The following EPHA6 variants were observed in gnomAD, a reference collection of about 807,000 sequenced individuals.
EPHA6 encodes EPH receptor A6, also known as ephrin type-A receptor 6.
A neutral mutation model predicts 112.0 loss-of-function variants in EPHA6; 50 were observed. The observed-to-expected ratio is 0.45, with a 90% CI of 0.36 to 0.56. EPHA6 has a LOEUF of 0.56. EPHA6 is among the 20% of genes least tolerant of loss of function. The pLI, the probability that EPHA6 is intolerant of heterozygous loss-of-function variation, is 0.00. For missense variants in EPHA6, 1,280 were observed against 1,417.4 expected (o/e 0.90, Z 1.56); for synonymous variants, 529 against 490.7 (o/e 1.08, Z -1.03).
intron 11 of EPHA6, among the ~76,000 whole-genome samples, chr3:97,572,195 G>T (rs2093340606): frequency 7.1e-6 from 1 of 140,676 alleles, no homozygotes; most frequent in African/African-American, 2.7e-5. Flanking sequence ...CTGTCGCCCA[G>T]GCTGGAGTGC....
At chr3:96,998,348 G>C (rs2043501738) in intron 3 of EPHA6, among the ~76,000 whole-genome samples, 1 of 152,000 alleles carries the variant, frequency 6.6e-6, no homozygotes, top group South Asian at 2.1e-4. Flanking sequence ...TCAATATATA[G>C]TAACAGTTTT....
chr3:97,596,874 G>GT (rs2093596641), intron 12 of EPHA6, among the ~76,000 whole-genome samples: 1 of 22,578 alleles, frequency 4.4e-5, no homozygotes, highest in African/African-American at 2.9e-4. Context: ...TATATCTATG[G>GT]AATATATATA....
At chr3:97,538,599 A>G (rs1421789846) in intron 11 of EPHA6, among the ~76,000 whole-genome samples, 1 of 152,206 alleles carries the variant, frequency 6.6e-6, no homozygotes, top group African/African-American at 2.4e-5. Context: ...GAGGAGAACT[A>G]GCATTAAGAG....
chr3:97,565,637 G>A (rs2093253609), intron 11 of EPHA6, among the ~76,000 whole-genome samples: 1 of 152,140 alleles, frequency 6.6e-6, no homozygotes, highest in Admixed American at 6.5e-5. Context: ...AATCTACCAA[G>A]TAAATACTGG....
At chr3:97,047,203 G>C (rs1253306395) in intron 3 of EPHA6, among the ~76,000 whole-genome samples, 1 of 151,864 alleles carries the variant, frequency 6.6e-6, no homozygotes, top group East Asian at 1.9e-4. Flanking sequence ...ATTTCTGTAA[G>C]ATATAAGAAA....
At chr3:97,598,060 G>T (rs2093608910) in intron 12 of EPHA6, among the ~76,000 whole-genome samples, 2 of 152,010 alleles carry the variant, frequency 1.3e-5, no homozygotes, top group African/African-American at 4.8e-5. Context: ...TTGCACTTCA[G>T]AAAAATCAAA....
At chr3:96,919,223 A>T (rs956066547) in intron 2 of EPHA6, among the ~76,000 whole-genome samples, 1 of 151,936 alleles carries the variant, frequency 6.6e-6, no homozygotes, top group Non-Finnish European at 1.5e-5. Flanking sequence ...TATCAAGAGT[A>T]ATAATTAGAT....
intron 6 of EPHA6, among the ~76,000 whole-genome samples, chr3:97,436,317 A>G (rs182466911): frequency 4.0e-4 from 61 of 152,280 alleles, no homozygotes; most frequent in African/African-American, 1.4e-3. Flanking sequence ...TTGTAAATCA[A>G]TCTTAAGAGA....
intron 1 of EPHA6, among the ~76,000 whole-genome samples, chr3:96,860,674 G>C (rs1248183848): frequency 6.6e-6 from 1 of 152,044 alleles, no homozygotes; most frequent in East Asian, 1.9e-4. Flanking sequence ...AATGGTTTGA[G>C]CTAAATGGGG....
At position 96,944,123 on chromosome 3, in the gene EPHA6, A is replaced by G. The variant is rs140661296; in HGVS notation, c.451-43207A>G. Among the ~76,000 whole-genome samples, 132 of 152,282 alleles carry G rather than the reference A, an allele frequency of 8.7e-4. 1 individual carries two copies. Among genetic ancestry groups the G allele is most frequent in the African/African-American group, 3.1e-3 (128 of 41,558 alleles). ...CATGAAAGAATGGTATGTACTCACC[A>G]TCTTCTCTCACAAAACCATGCTAGT... is the stretch of plus-strand genomic sequence containing the variant. On this transcript the variant is annotated intron_variant, in intron 2 of 17. Transcript: ENST00000389672.
intron 2 of EPHA6, among the ~76,000 whole-genome samples, chr3:96,942,598 C>A (rs1459840661): frequency 6.6e-6 from 1 of 152,236 alleles, no homozygotes; most frequent in Non-Finnish European, 1.5e-5. Flanking sequence ...CTTAGGCTAG[C>A]ACACGGTGCG....
chr3:97,327,385 G>A (rs1032337849), intron 5 of EPHA6, among the ~76,000 whole-genome samples: 1 of 151,832 alleles, frequency 6.6e-6, no homozygotes, highest in Non-Finnish European at 1.5e-5. Context: ...GTAACATCTT[G>A]CAAAACTGTA....
chr3:97,298,831 C>T (rs1428979723), intron 5 of EPHA6, among the ~76,000 whole-genome samples: 2 of 151,584 alleles, frequency 1.3e-5, no homozygotes, highest in Admixed American at 6.6e-5. Context: ...AAAGTGTAAC[C>T]ACTGAAATAT....
intron 3 of EPHA6, among the ~76,000 whole-genome samples, chr3:97,185,159 G>T (rs1257688745): frequency 1.3e-5 from 2 of 152,124 alleles, no homozygotes; most frequent in Non-Finnish European, 2.9e-5. Flanking sequence ...GCATGGGCAA[G>T]GACTTCATGT....
chr3:97,166,858 G>T (rs933288221), intron 3 of EPHA6, among the ~76,000 whole-genome samples: 60 of 152,174 alleles, frequency 3.9e-4, no homozygotes, highest in African/African-American at 1.4e-3. Flanking sequence ...TTCTGTTCAG[G>T]GAAACAGGGA....
At chr3:97,231,257 C>G (rs771315845) in intron 4 of EPHA6, among the ~76,000 whole-genome samples, 3 of 152,028 alleles carry the variant, frequency 2.0e-5, no homozygotes, top group Non-Finnish European at 4.4e-5. Context: ...TAGTCCAGAC[C>G]CAGGAAGCTT....
chr3:97,134,622 C>T (rs1308291551), intron 3 of EPHA6, among the ~76,000 whole-genome samples: 1 of 152,022 alleles, frequency 6.6e-6, no homozygotes, highest in Non-Finnish European at 1.5e-5. Context: ...TACTATTATG[C>T]TTATGCTTTG....
chr3:97,437,081 C>T (rs552012439), intron 6 of EPHA6, among the ~76,000 whole-genome samples: 3 of 148,818 alleles, frequency 2.0e-5, no homozygotes, highest in East Asian at 2.0e-4. Flanking sequence ...CATCAGCTAT[C>T]ATTAGTGTTG....
chr3:97,540,688 C>T (rs1342103762), intron 11 of EPHA6, among the ~76,000 whole-genome samples: 2 of 152,218 alleles, frequency 1.3e-5, no homozygotes, highest in South Asian at 2.1e-4. Flanking sequence ...TAACAAGTTT[C>T]TCAGTGTGAA....
Sources: gnomAD v4.1 joint callset for allele counts (sites outside exome capture counted in the v4.1 genomes callset) on GRCh38, gnomAD v4.1.1 for gene constraint, MANE v1.5 for transcripts, NCBI Gene and HGNC (gene_info 2026-07-23, HGNC 2026-07-21) for gene names.